The following ITGA9 variants were observed in gnomAD, a reference collection of about 807,000 sequenced individuals.
ITGA9 encodes integrin subunit alpha 9, also known as integrin alpha-9.
Under a neutral mutation model 127.8 loss-of-function variants are expected in ITGA9, and 56 were observed. The ratio of observed to expected loss-of-function variants is 0.44; its 90% CI spans 0.35 to 0.55. The LOEUF is 0.55. Ranked by LOEUF, ITGA9 falls within the 20% of genes least tolerant of loss-of-function variation. The probability of loss-of-function intolerance (pLI) is 0.00; values close to 1 mark genes in which losing one functional copy is unlikely to be tolerated. For missense variants in ITGA9, 1,196 were observed against 1,347.1 expected (o/e 0.89, Z 1.76); for synonymous variants, 508 against 514.5 (o/e 0.99, Z 0.17).
chr3:37,700,557 C>G (rs902455273), intron 18 of ITGA9, among the ~76,000 whole-genome samples: 1 of 151,974 alleles, frequency 6.6e-6, no homozygotes, highest in African/African-American at 2.4e-5. Flanking sequence ...GCCATGTTGC[C>G]CAGGCTGGTC....
intron 16 of ITGA9, among the ~76,000 whole-genome samples, chr3:37,651,082 G>A (rs1700424954): frequency 1.3e-5 from 2 of 152,038 alleles, no homozygotes; most frequent in African/African-American, 4.8e-5. Flanking sequence ...ATCAGTACAA[G>A]CACTCATATA....
chr3:37,801,881 T>G (rs145432544), intron 26 of ITGA9, among the ~76,000 whole-genome samples: 1 of 152,272 alleles, frequency 6.6e-6, no homozygotes, highest in African/African-American at 2.4e-5. Context: ...CCTCATCCCC[T>G]GGCACACGCA....
At position 37,777,389 on chromosome 3, in the gene ITGA9, C is replaced by T; in HGVS notation, c.2542-3C>T. 1 of 1,614,044 alleles carries T rather than the reference C, an allele frequency of 6.2e-7. No homozygotes were observed. The highest frequency in any genetic ancestry group is 8.5e-7 in the Non-Finnish European group (1 of 1,179,958). ...CCTCTGACAGGCCTCTTTTCATTTG[C>T]AGGTGGGCCAAGAGAAGGGAAACTG... On this transcript the variant is annotated splice_region_variant and splice_polypyrimidine_tract_variant and intron_variant, in intron 23 of 27. Transcript: ENST00000264741.
intron 26 of ITGA9, among the ~76,000 whole-genome samples, chr3:37,792,039 G>A (rs986462557): frequency 6.6e-6 from 1 of 152,266 alleles, no homozygotes; most frequent in Non-Finnish European, 1.5e-5. Context: ...GAAGAGGAGG[G>A]TTGTTGAAGG....
At chr3:37,512,131 T>TCCTTCCTTCCTTCCTTCC (rs1258308200) in intron 8 of ITGA9, among the ~76,000 whole-genome samples, 1 of 10,946 alleles carries the variant, frequency 9.1e-5, no homozygotes, top group African/African-American at 2.8e-4. Context: ...TTTCTTTTCT[T>TCCTTCCTTCCTTCCTTCC]TTCTTTTCTT....
At position 37,683,899 on chromosome 3, in the gene ITGA9, G is replaced by A. The variant is rs151109380; in HGVS notation, c.1951G>A (p.Ala651Thr). ...GAAAACCCTGTATCTAGCTTTGGGG[G>A]CTGTGAAGAACATCTCCCTAAACAT... ...DEKTLYLALG[A>T]VKNISLNISI... The change falls in exon 18 of 28, where the codon GCT (alanine) becomes ACT (threonine). Residue 651 changes from alanine (A) to threonine (T), a missense_variant. Ala to Thr is a moderately conservative substitution (Grantham distance 58). Coordinates refer to ENST00000264741, the MANE Select transcript of ITGA9 (RefSeq NM_002207.3). 2 of 1,614,064 alleles carry A rather than the reference G, an allele frequency of 1.2e-6. No homozygotes were observed. Among genetic ancestry groups the A allele is most frequent in the East Asian group, 4.5e-5 (2 of 44,870 alleles).
chr3:37,755,421 G>A lies in ITGA9; in HGVS notation c.2541+4852G>A, dbSNP rs75592663. ...GGAGGAGCATCAACACCAGGGCAGA[G>A]AGGCAGCAACCGCAATCAAAAGAAC... On this transcript the variant is annotated intron_variant, in intron 23 of 27. Transcript: ENST00000264741. 4.4e-3 allele frequency among the ~76,000 whole-genome samples: 664 copies of A among 152,212 alleles called. 4 individuals carry two copies. The highest frequency in any genetic ancestry group is 0.015 in the African/African-American group (614 of 41,520).
intron 15 of ITGA9, among the ~76,000 whole-genome samples, chr3:37,619,500 GA>G (rs1355205099): frequency 6.6e-6 from 1 of 152,244 alleles, no homozygotes; most frequent in Non-Finnish European, 1.5e-5. Context: ...ATCCCGTGCA[GA>G]AGCTCTGGAG....
intron 23 of ITGA9, among the ~76,000 whole-genome samples, chr3:37,771,075 G>A (rs1219982445): frequency 6.6e-6 from 1 of 152,158 alleles, no homozygotes; most frequent in Non-Finnish European, 1.5e-5. Flanking sequence ...ACCTCTGCCA[G>A]CTCCCAGAGG....
intron 5 of ITGA9, 58 bp from the exon 6 acceptor site, chr3:37,503,120 T>TTCCCCTCC: frequency 1.2e-6 from 2 of 1,601,928 alleles, no homozygotes; most frequent in Non-Finnish European, 8.5e-7. Context: ...TCTCATTGCA[T>TTCCCCTCC]TCCCCTCCTC....
intron 13 of ITGA9, 80 bp downstream of exon 13, chr3:37,526,151 C>T (rs1241209149): frequency 1.6e-6 from 2 of 1,216,348 alleles, no homozygotes; most frequent in African/African-American, 3.0e-5. Context: ...TGGGCTCTTT[C>T]CTCTGTCCTG....
At position 37,683,670 on chromosome 3, in the gene ITGA9, A is replaced by G. The variant is rs560084890; in HGVS notation, c.1917-195A>G. 1.1e-4 allele frequency among the ~76,000 whole-genome samples: 16 copies of G among 152,212 alleles called. No individual in the cohort carries two copies. In the South Asian group the frequency reaches 3.3e-3, roughly 32 times the overall value. On this transcript the variant is annotated intron_variant, in intron 17 of 27. Transcript: ENST00000264741. ...AGTCTAGTGAGTTAGGCAAGGTAGA[A>G]CCCTGTGCTTTACATGAGGAAGCTG...
At chr3:37,630,010 T>C (rs548953137) in intron 16 of ITGA9, among the ~76,000 whole-genome samples, 1 of 152,296 alleles carries the variant, frequency 6.6e-6, no homozygotes, top group East Asian at 1.9e-4. Flanking sequence ...TCAAATCTTT[T>C]CTTGAAACCC....
chr3:37,801,147 G>A lies in ITGA9; in HGVS notation c.2890-2676G>A, dbSNP rs976148943. Among the ~76,000 whole-genome samples the A allele has an allele frequency of 3.9e-5, 6 of 152,178 alleles. No homozygotes were observed. The South Asian group carries it at 6.2e-4, about 16-fold the overall frequency. ...CCCACCGCACTGCAGCCTGAGCAAC[G>A]GAGCAAGACTCCGTCTCAAAAAAAG... On this transcript the variant is annotated intron_variant, in intron 26 of 27. Coordinates refer to ENST00000264741, the MANE Select transcript of ITGA9 (RefSeq NM_002207.3).
chr3:37,677,217 A>G (rs770617922), intron 17 of ITGA9, among the ~76,000 whole-genome samples: 5 of 152,194 alleles, frequency 3.3e-5, no homozygotes, highest in Non-Finnish European at 7.3e-5. Flanking sequence ...TTAATTCTTC[A>G]TGTTATAATC....
intron 14 of ITGA9, among the ~76,000 whole-genome samples, chr3:37,541,275 A>C (rs1359511154): frequency 6.6e-6 from 1 of 152,168 alleles, no homozygotes. Context: ...TTGCTTAGCC[A>C]TCTTGCCTTG....
intron 15 of ITGA9, among the ~76,000 whole-genome samples, chr3:37,618,062 T>C (rs1314872420): frequency 6.6e-6 from 1 of 152,246 alleles, no homozygotes. Flanking sequence ...TTCCAGTTTT[T>C]CTGCTCTGTT....
chr3:37,494,239 T>C lies in ITGA9; in HGVS notation c.545-262T>C, dbSNP rs182437064. Among the ~76,000 whole-genome samples the C allele has an allele frequency of 4.1e-3, 620 of 152,296 alleles. 5 individuals are homozygous for C. The highest frequency in any genetic ancestry group is 0.014 in the African/African-American group (584 of 41,562). ...GCCTCCCACTTAATGACTGTGGCTA[T>C]TGCTCCTCTTTCTCGCACACGAGGG... On this transcript the variant is annotated intron_variant, in intron 4 of 27. Coordinates refer to ENST00000264741, the MANE Select transcript of ITGA9 (RefSeq NM_002207.3).
At position 37,509,615 on chromosome 3, in the gene ITGA9, G is replaced by A. The variant is rs573847132; in HGVS notation, c.897+988G>A. Among the ~76,000 whole-genome samples the A allele has an allele frequency of 4.8e-4, 73 of 152,220 alleles. 1 individual carries two copies. The South Asian group carries it at 0.015, about 31-fold the overall frequency. On this transcript the variant is annotated intron_variant, in intron 8 of 27. Transcript: ENST00000264741. The stretch of plus-strand genomic sequence containing the variant: ...GACCTTTTTGCAATTTTAACTATCC[G>A]AATAGGTACACTTAGTGTATAATTG...
Sources: gnomAD v4.1 joint callset for allele counts (sites outside exome capture counted in the v4.1 genomes callset) on GRCh38, gnomAD v4.1.1 for gene constraint, MANE v1.5 for transcripts, NCBI Gene and HGNC (gene_info 2026-07-23, HGNC 2026-07-21) for gene names.